RIMS1: variants seen among roughly 807,000 people sequenced by gnomAD.
RIMS1 encodes regulating synaptic membrane exocytosis 1.
RIMS1 carries 83 observed loss-of-function variants against 214.1 expected under a neutral mutation model. The ratio of observed to expected loss-of-function variants is 0.39; its 90% CI spans 0.32 to 0.47. RIMS1 has a LOEUF of 0.47. Among genes scored for constraint, RIMS1 ranks in the 20% least tolerant of loss-of-function variants. The pLI is 0.99. For missense variants in RIMS1, 2,050 were observed against 2,161.8 expected (o/e 0.95, Z 1.03); for synonymous variants, 793 against 786.8 (o/e 1.01, Z -0.13).
chr6:71,969,308 C>T (rs954665629), intron 2 of RIMS1, among the ~76,000 whole-genome samples: 1 of 152,096 alleles, frequency 6.6e-6, no homozygotes, highest in Non-Finnish European at 1.5e-5. Context: ...TTTCTTAGGG[C>T]TCTAAAATGA....
rs1820017432 is a variant in RIMS1, at chr6:72,037,592, G to A, written c.246-59357G>A. Among the ~76,000 whole-genome samples the A allele has an allele frequency of 2.6e-5, 4 of 152,120 alleles. No homozygotes were observed. In the South Asian group the frequency reaches 8.3e-4, roughly 32 times the overall value. ...ATATTTAATATATACAATTTGATGAGTTTGGACATATGTGTAGACCATGAA... is the reference window on the plus strand; with the variant it reads ...ATATTTAATATATACAATTTGATGAATTTGGACATATGTGTAGACCATGAA... On this transcript the variant is annotated intron_variant, in intron 2 of 33. Coordinates refer to ENST00000521978, the MANE Select transcript of RIMS1 (RefSeq NM_014989.7).
intron 8 of RIMS1, among the ~76,000 whole-genome samples, chr6:72,237,010 T>G (rs1469414000): frequency 6.6e-6 from 1 of 151,808 alleles, no homozygotes; most frequent in African/African-American, 2.4e-5. Flanking sequence ...ACCAGCCTGG[T>G]CAACATAGCG....
At chr6:72,047,791 T>A (rs1416131816) in intron 2 of RIMS1, among the ~76,000 whole-genome samples, 1 of 152,212 alleles carries the variant, frequency 6.6e-6, no homozygotes, top group African/African-American at 2.4e-5. Flanking sequence ...AATCAGAAAG[T>A]CTTTGTTAAT....
At chr6:72,398,572 A>G (rs1458556241) in intron 32 of RIMS1, among the ~76,000 whole-genome samples, 1 of 152,062 alleles carries the variant, frequency 6.6e-6, no homozygotes, top group African/African-American at 2.4e-5. Flanking sequence ...TATTTTTTTT[A>G]AAGTTTAGTT....
chr6:72,182,824 GC>G lies in RIMS1; in HGVS notation c.1356del (p.Arg453AspfsTer49). The G allele has an allele frequency of 1.3e-6, 2 of 1,550,514 alleles. No individual in the cohort carries two copies. On this transcript the variant is annotated frameshift_variant, in exon 6 of 34. Transcript: ENST00000521978. LOFTEE classifies it high-confidence loss of function. ...AGCTAACGAACCACAGCCCGCCGGCGCCCAGACATGGGCCGGTTCCCGCAGA... is the reference window on the plus strand; with the variant it reads ...AGCTAACGAACCACAGCCCGCCGGCGCCAGACATGGGCCGGTTCCCGCAGA... ...KQLTNHSPPA[P>X]RHGPVPAEAP...
Position 71,890,570 on chromosome 6 carries a change from TA to T in RIMS1, c.164+3410del, listed in dbSNP as rs3076604. On this transcript the variant is annotated intron_variant, in intron 1 of 33. Transcript: ENST00000521978. Reference sequence around the variant, plus strand: ...AGATCTAGGATCTTACTCCTTTTTGTAAAAAAAAAAAAAAAAAAAAAAAAAA... The same window carrying T: ...AGATCTAGGATCTTACTCCTTTTTGTAAAAAAAAAAAAAAAAAAAAAAAAA... Among the ~76,000 whole-genome samples the T allele has an allele frequency of 3.1e-3, 253 of 81,494 alleles. 5 individuals are homozygous for T. Among genetic ancestry groups the T allele is most frequent in the African/African-American group, 7.1e-3 (127 of 17,942 alleles). 53.5% of individuals were successfully genotyped at this position (81,494 alleles called of 152,430 possible). A position where few individuals can be genotyped will look rare whatever the true frequency, so the allele number is the denominator to read the frequency against.
At chr6:72,217,335 A>G (rs1385468637) in intron 6 of RIMS1, 1 of 1,163,628 alleles carries the variant, frequency 8.6e-7, no homozygotes, top group African/African-American at 1.5e-5. Context: ...AAAATGTTTC[A>G]TTTAGATTCT....
intron 29 of RIMS1, among the ~76,000 whole-genome samples, chr6:72,349,258 G>GATT (rs1455770754): frequency 2.0e-5 from 3 of 151,950 alleles, no homozygotes; most frequent in African/African-American, 7.2e-5. Context: ...CTGTGTTCCA[G>GATT]ATTCAAAGTC....
rs138780304 is a variant in RIMS1, at chr6:72,370,558, A to T, written c.4367-20040A>T. ...CACTTAGGAATATTTTTTACTTCTG[A>T]TTCTACTGAAATAGAATTGCTTATG... On this transcript the variant is annotated intron_variant, in intron 29 of 33. Coordinates refer to ENST00000521978, the MANE Select transcript of RIMS1 (RefSeq NM_014989.7). Among the ~76,000 whole-genome samples the T allele has an allele frequency of 1.2e-3, 181 of 152,276 alleles. 1 individual carries two copies. Among genetic ancestry groups the T allele is most frequent in the African/African-American group, 4.0e-3 (165 of 41,558 alleles).
rs141671640 is a variant in RIMS1 at position 72,121,879 on chromosome 6, T to C, written c.471+21893T>C. Among the ~76,000 whole-genome samples the C allele has an allele frequency of 3.0e-3, 454 of 152,036 alleles. 1 individual carries two copies. Among genetic ancestry groups the C allele is most frequent in the African/African-American group, 0.01 (435 of 41,542 alleles). ...TAGGATAAAGGGCTGTTGAATTTTG[T>C]CGAAGGACTTTTCTGCACCTATTGA... On this transcript the variant is annotated intron_variant, in intron 4 of 33. Transcript: ENST00000521978.
At chr6:72,393,270 T>G (rs1408387476) in intron 31 of RIMS1, among the ~76,000 whole-genome samples, 1 of 152,126 alleles carries the variant, frequency 6.6e-6, no homozygotes, top group Non-Finnish European at 1.5e-5. Flanking sequence ...ACACTTAAGT[T>G]AATCTGTCTG....
At chr6:72,146,186 C>T (rs2042726327) in intron 4 of RIMS1, among the ~76,000 whole-genome samples, 1 of 152,190 alleles carries the variant, frequency 6.6e-6, no homozygotes, top group Non-Finnish European at 1.5e-5. Flanking sequence ...ACAATCTCTA[C>T]AGCTATCGGA....
chr6:72,100,734 AC>A (rs2153808903), intron 4 of RIMS1, among the ~76,000 whole-genome samples: 1 of 148,690 alleles, frequency 6.7e-6, no homozygotes, highest in East Asian at 2.0e-4. Context: ...TCATTAATCT[AC>A]CAATATGAGA....
At position 72,231,127 on chromosome 6, in the gene RIMS1, G is replaced by A. The variant is rs147748978; in HGVS notation, c.1679-2646G>A. On this transcript the variant is annotated intron_variant, in intron 6 of 33. Transcript: ENST00000521978. ...ATATTAGACTCTGAATATTTTAGGAGCATGTTTTGTTGAGTGTTGCTTATT... is the reference window on the plus strand; with the variant it reads ...ATATTAGACTCTGAATATTTTAGGAACATGTTTTGTTGAGTGTTGCTTATT... 2.9e-4 allele frequency among the ~76,000 whole-genome samples: 44 copies of A among 151,726 alleles called. No individual in the cohort carries two copies. In the East Asian group the frequency reaches 8.1e-3, roughly 28 times the overall value.
At chr6:72,095,041 TC>T (rs748074771) in intron 2 of RIMS1, among the ~76,000 whole-genome samples, 48 of 150,046 alleles carry the variant, frequency 3.2e-4, no homozygotes, top group Admixed American at 7.3e-4. Flanking sequence ...AAGCTCTACC[TC>T]CCGGGTTCAT....
rs183160608 is a variant in RIMS1 at position 72,174,366 on chromosome 6, G to A, written c.472-5209G>A. ...GATTTTAAAATGCAGAATTGATATT[G>A]TCACTTTTGGGTTACAATTTAGCAC... On this transcript the variant is annotated intron_variant, in intron 4 of 33. Coordinates refer to ENST00000521978, the MANE Select transcript of RIMS1 (RefSeq NM_014989.7). Among the ~76,000 whole-genome samples the A allele has an allele frequency of 1.2e-4, 19 of 152,278 alleles. No individual in the cohort carries two copies. In the East Asian group the frequency reaches 3.7e-3, roughly 29 times the overall value.
At chr6:72,156,872 C>T (rs2044512629) in intron 4 of RIMS1, among the ~76,000 whole-genome samples, 1 of 140,734 alleles carries the variant, frequency 7.1e-6, no homozygotes, top group African/African-American at 2.5e-5. Context: ...TATTAATTGA[C>T]ATTTACGGAA....
chr6:72,260,578 C>G (rs1298811095), intron 18 of RIMS1, 127 bp from the exon 19 acceptor site: 2 of 1,281,844 alleles, frequency 1.6e-6, no homozygotes, highest in Non-Finnish European at 2.2e-6. Context: ...TGTTTAACCT[C>G]TCAAGCAAAT....
intron 2 of RIMS1, among the ~76,000 whole-genome samples, chr6:71,989,112 A>G (rs1261833062): frequency 6.6e-6 from 1 of 152,236 alleles, no homozygotes; most frequent in South Asian, 2.1e-4. Flanking sequence ...TACCATTGTC[A>G]ATAGTGGTGC....
Sources: allele counts gnomAD v4.1 joint callset (sites outside exome capture counted in the v4.1 genomes callset), GRCh38; gene constraint gnomAD v4.1.1; transcripts MANE v1.5; gene names NCBI Gene and HGNC (gene_info 2026-07-23, HGNC 2026-07-21).